Variants in GAB2 observed in about 807,000 individuals in gnomAD.
GAB2 encodes the protein GRB2-associated-binding protein 2.
A neutral mutation model predicts 65.5 loss-of-function variants in GAB2; 26 were observed. That is an observed-to-expected ratio of 0.40 (90% CI 0.29 to 0.55). The LOEUF (loss-of-function observed/expected upper bound fraction) is 0.55. GAB2 is among the 20% of genes least tolerant of loss of function. The pLI, the probability that GAB2 is intolerant of heterozygous loss-of-function variation, is 0.53. For missense variants in GAB2, 884 were observed against 875.8 expected (o/e 1.01, Z -0.12); for synonymous variants, 321 against 329.6 (o/e 0.97, Z 0.28).
intron 1 of GAB2, among the ~76,000 whole-genome samples, chr11:78,310,172 G>C (rs992215218): frequency 6.6e-6 from 1 of 151,864 alleles, no homozygotes; most frequent in African/African-American, 2.4e-5. Context: ...GAGGGAGTGA[G>C]GGGTTGGGCA....
At chr11:78,336,326 C>CCAA (rs1855998438) in intron 1 of GAB2, among the ~76,000 whole-genome samples, 2 of 19,258 alleles carry the variant, frequency 1.0e-4, no homozygotes, top group African/African-American at 2.5e-4. Flanking sequence ...GACTGTCTCT[C>CCAA]AAAAAAAAAA....
chr11:78,415,939 C>CTTTTTT (rs1303081510), intron 1 of GAB2, among the ~76,000 whole-genome samples: 7 of 129,030 alleles, frequency 5.4e-5, no homozygotes, highest in African/African-American at 1.7e-4. Flanking sequence ...TTAAGGGTCA[C>CTTTTTT]TTTTTTTTTT....
intron 1 of GAB2, among the ~76,000 whole-genome samples, chr11:78,325,986 C>A (rs1022713728): frequency 2.6e-5 from 4 of 152,132 alleles, no homozygotes; most frequent in Non-Finnish European, 4.4e-5. Flanking sequence ...TCTTCCCTAC[C>A]CTAACTCCAG....
chr11:78,294,527 C>T (rs1458914561), intron 1 of GAB2, among the ~76,000 whole-genome samples: 1 of 152,160 alleles, frequency 6.6e-6, no homozygotes, highest in Non-Finnish European at 1.5e-5. Context: ...TTTACAGTCC[C>T]ACCAACAGTG....
chr11:78,403,083 A>G (rs1856995347), intron 1 of GAB2, among the ~76,000 whole-genome samples: 1 of 152,246 alleles, frequency 6.6e-6, no homozygotes, highest in East Asian at 1.9e-4. Context: ...TGAATGTGTC[A>G]GTGCCTTGAT....
At chr11:78,359,446 A>C (rs1856404138) in intron 1 of GAB2, among the ~76,000 whole-genome samples, 1 of 152,236 alleles carries the variant, frequency 6.6e-6, no homozygotes, top group African/African-American at 2.4e-5. Context: ...GCTAAGAAAA[A>C]ATAACTTTCA....
rs142478612 is a variant in GAB2, at chr11:78,354,444, T to C, written c.75+63202A>G. Reference sequence around the variant, plus strand: ...TATCATATATGACATATATATTATATATATATACATACAGAATTGCTGAAA... The same window carrying C: ...TATCATATATGACATATATATTATACATATATACATACAGAATTGCTGAAA... On this transcript the variant is annotated intron_variant, in intron 1 of 9. Transcript: ENST00000361507. Among the ~76,000 whole-genome samples the C allele has an allele frequency of 2.2e-3, 331 of 152,136 alleles. 1 individual carries two copies. Among genetic ancestry groups the C allele is most frequent in the African/African-American group, 7.1e-3 (293 of 41,508 alleles).
intron 1 of GAB2, among the ~76,000 whole-genome samples, chr11:78,323,923 G>A (rs562124423): frequency 1.4e-5 from 2 of 145,780 alleles, no homozygotes; most frequent in Non-Finnish European, 3.0e-5. Flanking sequence ...TCAGCCTCCC[G>A]AGTAGCTGAG....
chr11:78,340,344 G>T (rs1321464646), intron 1 of GAB2, among the ~76,000 whole-genome samples: 4 of 152,142 alleles, frequency 2.6e-5, no homozygotes, highest in Admixed American at 2.6e-4. Flanking sequence ...TGGCCTCCTG[G>T]ATGAACAAAG....
At chr11:78,276,350 A>G (rs1866170764) in intron 2 of GAB2, among the ~76,000 whole-genome samples, 1 of 152,102 alleles carries the variant, frequency 6.6e-6, no homozygotes, top group African/African-American at 2.4e-5. Context: ...GGCTCAAGCG[A>G]TCTTCCTGTC....
At chr11:78,363,163 G>A (rs998290123) in intron 1 of GAB2, among the ~76,000 whole-genome samples, 5 of 152,136 alleles carry the variant, frequency 3.3e-5, no homozygotes, top group Non-Finnish European at 7.4e-5. Context: ...TAATCAGAAC[G>A]GAAAGACATT....
At chr11:78,289,732 T>C (rs984997925) in intron 1 of GAB2, among the ~76,000 whole-genome samples, 3 of 148,274 alleles carry the variant, frequency 2.0e-5, no homozygotes, top group African/African-American at 5.0e-5. Flanking sequence ...AAAGCAAACA[T>C]GCACGAGAGA....
intron 1 of GAB2, among the ~76,000 whole-genome samples, chr11:78,389,006 G>A (rs1162230012): frequency 6.6e-6 from 1 of 152,182 alleles, no homozygotes; most frequent in Non-Finnish European, 1.5e-5. Context: ...GATGTCAATA[G>A]AATTCAAACT....
At chr11:78,268,387 G>C (rs749228669) in intron 2 of GAB2, among the ~76,000 whole-genome samples, 1 of 152,042 alleles carries the variant, frequency 6.6e-6, no homozygotes, top group Non-Finnish European at 1.5e-5. Flanking sequence ...ACACATAACC[G>C]GATGTTTAAT....
intron 1 of GAB2, among the ~76,000 whole-genome samples, chr11:78,346,949 A>C (rs948490229): frequency 6.6e-6 from 1 of 151,870 alleles, no homozygotes; most frequent in African/African-American, 2.4e-5. Context: ...AGAATCCAGA[A>C]GGAGTGGTGA....
chr11:78,401,267 T>C (rs1856968029), intron 1 of GAB2, among the ~76,000 whole-genome samples: 1 of 152,148 alleles, frequency 6.6e-6, no homozygotes, highest in African/African-American at 2.4e-5. Context: ...AAACTGAAAC[T>C]CTGTACCCAT....
chr11:78,332,385 A>C (rs11601196), intron 1 of GAB2, among the ~76,000 whole-genome samples: 24,746 of 152,004 alleles, frequency 0.16, 2,589 homozygotes, highest in East Asian at 0.41. Flanking sequence ...CCTGGGGGAG[A>C]AGCTTATAGG....
At chr11:78,407,633 C>CAAAA (rs1555001651) in intron 1 of GAB2, among the ~76,000 whole-genome samples, 3,840 of 92,466 alleles carry the variant, frequency 0.042, 179 homozygotes, top group African/African-American at 0.13. Flanking sequence ...AACTCCTTCT[C>CAAAA]AAAGAAAGAA....
At chr11:78,333,533 G>A (rs147597055) in intron 1 of GAB2, among the ~76,000 whole-genome samples, 69 of 152,238 alleles carry the variant, frequency 4.5e-4, no homozygotes, top group African/African-American at 1.1e-3. Flanking sequence ...CTCCCAAAGC[G>A]CTGGGATTAC....
Sources: gnomAD v4.1 joint callset for allele counts (sites outside exome capture counted in the v4.1 genomes callset) on GRCh38, gnomAD v4.1.1 for gene constraint, MANE v1.5 for transcripts, NCBI Gene and HGNC (gene_info 2026-07-23, HGNC 2026-07-21) for gene names.